Variants in DNM3 observed in about 807,000 individuals in gnomAD.
DNM3 encodes the protein dynamin 3.
In DNM3, 47 loss-of-function variants were observed where a neutral mutation model predicts 101.6. The ratio of observed to expected loss-of-function variants is 0.46; its 90% CI spans 0.37 to 0.59. The LOEUF (loss-of-function observed/expected upper bound fraction) is 0.59. Among genes scored for constraint, DNM3 ranks in the 20% least tolerant of loss-of-function variants. The probability of loss-of-function intolerance (pLI) is 0.00; values close to 1 mark genes in which losing one functional copy is unlikely to be tolerated. For missense variants in DNM3, 849 were observed against 1,085.7 expected (o/e 0.78, Z 3.06); for synonymous variants, 385 against 387.9 (o/e 0.99, Z 0.09).
chr1:172,324,888 G>A (rs1370145500), intron 17 of DNM3, among the ~76,000 whole-genome samples: 2 of 151,938 alleles, frequency 1.3e-5, no homozygotes, highest in Admixed American at 6.6e-5. Context: ...TGCTAACAGG[G>A]AGCCTGTGCA....
chr1:172,097,126 G>C (rs755091426), intron 13 of DNM3, among the ~76,000 whole-genome samples: 1 of 152,092 alleles, frequency 6.6e-6, no homozygotes, highest in African/African-American at 2.4e-5. Flanking sequence ...TTAGGGCCGG[G>C]CACGGTGACT....
At chr1:171,932,730 T>G (rs1163989507) in intron 2 of DNM3, among the ~76,000 whole-genome samples, 1 of 152,208 alleles carries the variant, frequency 6.6e-6, no homozygotes, top group African/African-American at 2.4e-5. Flanking sequence ...CATTTTAAAT[T>G]TATTCTCTTG....
At chr1:171,867,623 G>C (rs1442566011) in intron 1 of DNM3, among the ~76,000 whole-genome samples, 15 of 152,070 alleles carry the variant, frequency 9.9e-5, no homozygotes, top group Admixed American at 9.8e-4. Flanking sequence ...ACTTCCTTTG[G>C]ATCTACTTTT....
intron 2 of DNM3, among the ~76,000 whole-genome samples, chr1:171,926,079 G>GT (rs2040547390): frequency 6.6e-6 from 1 of 152,144 alleles, no homozygotes; most frequent in African/African-American, 2.4e-5. Flanking sequence ...TTTCATACAA[G>GT]TACCATGCTG....
At chr1:172,330,326 G>A (rs2066127783) in intron 17 of DNM3, among the ~76,000 whole-genome samples, 1 of 151,892 alleles carries the variant, frequency 6.6e-6, no homozygotes, top group African/African-American at 2.4e-5. Flanking sequence ...AAAATATAAA[G>A]ATATATATAT....
chr1:172,228,942 C>A (rs1316499254), intron 14 of DNM3, among the ~76,000 whole-genome samples: 1 of 152,072 alleles, frequency 6.6e-6, no homozygotes, highest in Non-Finnish European at 1.5e-5. Context: ...AAGACCTCTT[C>A]TTTTGCCACT....
chr1:172,255,533 A>G (rs1156419350), intron 15 of DNM3, among the ~76,000 whole-genome samples: 1 of 152,158 alleles, frequency 6.6e-6, no homozygotes, highest in Non-Finnish European at 1.5e-5. Context: ...ATCATTTTTC[A>G]TAAAATACAA....
chr1:172,182,552 T>G (rs2148399969), intron 14 of DNM3, among the ~76,000 whole-genome samples: 1 of 152,256 alleles, frequency 6.6e-6, no homozygotes, highest in African/African-American at 2.4e-5. Context: ...GACTTGCTTT[T>G]CTCCTACTCT....
At chr1:172,215,362 G>A (rs1469007224) in intron 14 of DNM3, among the ~76,000 whole-genome samples, 3 of 151,984 alleles carry the variant, frequency 2.0e-5, no homozygotes, top group African/African-American at 7.2e-5. Context: ...CATATGCCCC[G>A]GTGTCCACAT....
chr1:172,272,385 A>G (rs914231175), intron 15 of DNM3, among the ~76,000 whole-genome samples: 2 of 152,136 alleles, frequency 1.3e-5, no homozygotes, highest in Non-Finnish European at 2.9e-5. Context: ...TTTTTTTAAA[A>G]CTGTGATGAC....
intron 2 of DNM3, among the ~76,000 whole-genome samples, chr1:171,938,481 A>G (rs1332527531): frequency 6.6e-6 from 1 of 152,214 alleles, no homozygotes; most frequent in Non-Finnish European, 1.5e-5. Flanking sequence ...TGGAAAATGT[A>G]ACTATCAAAA....
chr1:172,003,295 C>G (rs2125679272), intron 4 of DNM3, among the ~76,000 whole-genome samples: 1 of 152,086 alleles, frequency 6.6e-6, no homozygotes, highest in Middle Eastern at 3.4e-3. Context: ...TTACATCTTA[C>G]TCCTGGATTC....
downstream of DNM3, among the ~76,000 whole-genome samples, chr1:172,413,746 T>C (rs372718436): frequency 6.6e-5 from 10 of 152,222 alleles, no homozygotes; most frequent in Non-Finnish European, 1.3e-4. Flanking sequence ...CTTTCTGCGA[T>C]CAGGGCATGC....
intron 14 of DNM3, among the ~76,000 whole-genome samples, chr1:172,156,737 AT>A (rs750855064): frequency 1.3e-5 from 2 of 152,004 alleles, no homozygotes; most frequent in African/African-American, 4.8e-5. Context: ...GTAATCGCTC[AT>A]TTTTTTATTT....
chr1:172,374,093 A>C (rs1558058469), intron 17 of DNM3, among the ~76,000 whole-genome samples: 1 of 152,084 alleles, frequency 6.6e-6, no homozygotes, highest in African/African-American at 2.4e-5. Context: ...GTCTGGTGCT[A>C]TTATCACATA....
At chr1:172,305,983 GC>G (rs1232532112) in intron 15 of DNM3, among the ~76,000 whole-genome samples, 1 of 152,180 alleles carries the variant, frequency 6.6e-6, no homozygotes, top group African/African-American at 2.4e-5. Context: ...AGACAGGGAT[GC>G]CCTCTCTCAC....
intron 14 of DNM3, among the ~76,000 whole-genome samples, chr1:172,221,535 C>T (rs1218508868): frequency 2.6e-5 from 4 of 152,132 alleles, no homozygotes; most frequent in Non-Finnish European, 2.9e-5. Flanking sequence ...AGAAAACTAT[C>T]TTGGTAAAGG....
At chr1:172,244,723 G>A (rs1018524535) in intron 14 of DNM3, among the ~76,000 whole-genome samples, 4 of 152,104 alleles carry the variant, frequency 2.6e-5, no homozygotes, top group Non-Finnish European at 4.4e-5. Context: ...TGGAGAGGAT[G>A]TGGAGAAATA....
chr1:171,882,259 C>T (rs1344907325), intron 1 of DNM3, among the ~76,000 whole-genome samples: 2 of 147,716 alleles, frequency 1.4e-5, no homozygotes, highest in Non-Finnish European at 3.0e-5. Flanking sequence ...AGGAGAATTG[C>T]TTGAACCTGG....
Sources: gnomAD v4.1 joint callset for allele counts (sites outside exome capture counted in the v4.1 genomes callset) on GRCh38, gnomAD v4.1.1 for gene constraint, MANE v1.5 for transcripts, NCBI Gene and HGNC (gene_info 2026-07-23, HGNC 2026-07-21) for gene names.